Variants in RBM24 observed in about 807,000 individuals in gnomAD.
RBM24 encodes RNA-binding protein 24.
Under a neutral mutation model 23.6 loss-of-function variants are expected in RBM24, and 5 were observed. The ratio of observed to expected loss-of-function variants is 0.21; its 90% CI spans 0.11 to 0.45. The LOEUF (loss-of-function observed/expected upper bound fraction) is 0.45, where lower values mean the gene tolerates loss of function less well. Ranked by LOEUF, RBM24 falls within the 20% of genes least tolerant of loss-of-function variation. The probability of loss-of-function intolerance (pLI) is 0.99; values close to 1 mark genes in which losing one functional copy is unlikely to be tolerated. For synonymous variants in RBM24, 151 were observed against 129.5 expected (o/e 1.17, Z -1.13); for missense variants, 252 against 314.6 (o/e 0.80, Z 1.51).
rs773851023 is a variant in RBM24, at chr6:17,292,062, C to G, written c.654C>G (p.Ala218=). 2 of 1,591,606 alleles carry G rather than the reference C, an allele frequency of 1.3e-6. No individual in the cohort carries two copies. The highest frequency in any genetic ancestry group is 1.3e-5 in the African/African-American group (1 of 74,684). ...TAAAAAAAAA[A]AAAFGQYQPQ... is the part of the protein sequence containing the mutation. ...CCGCCGCCGCTGCAGCAGCTGCTGC[C>G]GCTGCAGCATTTGGCCAGTACCAGC... The change falls in exon 4 of 4, where the codon GCC becomes GCG. Residue 218 remains alanine, a synonymous_variant. Transcript: ENST00000379052.
intron 3 of RBM24, among the ~76,000 whole-genome samples, chr6:17,287,412 T>C (rs1035721315): frequency 1.3e-5 from 2 of 152,196 alleles, no homozygotes; most frequent in South Asian, 2.1e-4. Context: ...GAAAAACTTA[T>C]AAACTTGCTA....
chr6:17,288,978 T>C, intron 3 of RBM24: 1 of 985,420 alleles, frequency 1.0e-6, no homozygotes, highest in Non-Finnish European at 1.2e-6. Flanking sequence ...AGGATATTGC[T>C]TCAAAACCAG....
intron 1 of RBM24, chr6:17,282,060 C>T: frequency 7.9e-7 from 1 of 1,266,464 alleles, no homozygotes; most frequent in Non-Finnish European, 1.0e-6. Flanking sequence ...GGCCGCAACC[C>T]TGAACAATTG....
At chr6:17,285,658 C>A (rs1049735978) in intron 3 of RBM24, among the ~76,000 whole-genome samples, 1 of 152,212 alleles carries the variant, frequency 6.6e-6, no homozygotes, top group African/African-American at 2.4e-5. Flanking sequence ...TTTATTAACA[C>A]AAGCCAGTTT....
chr6:17,288,142 G>A (rs991022158), intron 3 of RBM24: 2 of 572,830 alleles, frequency 3.5e-6, no homozygotes, highest in African/African-American at 4.1e-5. Context: ...GGACTGCTAA[G>A]TGTTAGAGGC....
chr6:17,282,357 G>T, intron 1 of RBM24: 1 of 823,784 alleles, frequency 1.2e-6, no homozygotes, highest in Non-Finnish European at 1.8e-6. Context: ...AATAGCTATT[G>T]TCGTTGGGGA....
Position 17,282,886 on chromosome 6 carries a change from A to T in RBM24, c.250A>T (p.Asn84Tyr), listed in dbSNP as rs767375957. Reference protein sequence around the residue: ...PIIDGRKANVNLAYLGAKPRI... With the variant: ...PIIDGRKANVYLAYLGAKPRI... ...CATTGATGGCAGAAAGGCCAACGTGAACCTGGCATACTTAGGAGCAAAACC... is the reference window on the plus strand; with the variant it reads ...CATTGATGGCAGAAAGGCCAACGTGTACCTGGCATACTTAGGAGCAAAACC... Residue 84 changes from asparagine (N) to tyrosine (Y), a missense_variant, in exon 2 of 4, where the codon AAC becomes TAC. Coordinates refer to ENST00000379052, the MANE Select transcript of RBM24 (RefSeq NM_001143942.2). The T allele has an allele frequency of 6.2e-7, 1 of 1,614,118 alleles. No homozygotes were observed. The highest frequency in any genetic ancestry group is 8.5e-7 in the Non-Finnish European group (1 of 1,180,024).
At chr6:17,285,476 T>C (rs1009919362) in intron 3 of RBM24, among the ~76,000 whole-genome samples, 1 of 152,164 alleles carries the variant, frequency 6.6e-6, no homozygotes, top group Middle Eastern at 3.2e-3. Context: ...AACCACATTT[T>C]TGTAGTGAGT....
Position 17,282,898 on chromosome 6 carries a change from T to C in RBM24, c.262T>C (p.Leu88=). ...AAAGGCCAACGTGAACCTGGCATAC[T>C]TAGGAGCAAAACCAAGGATCATGCA... ...GRKANVNLAY[L]GAKPRIMQPG... The change falls in exon 2 of 4, where the codon TTA becomes CTA. Residue 88 remains leucine, a synonymous_variant. Transcript: ENST00000379052. 1.2e-6 allele frequency: 2 copies of C among 1,614,072 alleles called. No homozygotes were observed. Among genetic ancestry groups the C allele is most frequent in the Non-Finnish European group, 1.7e-6 (2 of 1,179,994 alleles).
chr6:17,291,664 T>A (rs1400308942), intron 3 of RBM24, 92 bp from the exon 4 acceptor site: 1 of 1,385,282 alleles, frequency 7.2e-7, no homozygotes, highest in African/African-American at 1.4e-5. Flanking sequence ...ATGCTCATAA[T>A]AACCACTAAA....
intron 1 of RBM24, chr6:17,282,560 G>C (rs1187784747): frequency 7.1e-6 from 4 of 565,016 alleles, no homozygotes. Context: ...CGGTGGGGTG[G>C]GGGGAGGCAG....
intron 3 of RBM24, chr6:17,289,454 T>A: frequency 1.0e-6 from 1 of 985,464 alleles, no homozygotes; most frequent in Non-Finnish European, 1.2e-6. Flanking sequence ...ATTCTCATTG[T>A]TTGACATTGT....
chr6:17,289,670 G>A, intron 3 of RBM24: 1 of 985,378 alleles, frequency 1.0e-6, no homozygotes, highest in South Asian at 4.7e-5. Flanking sequence ...TAAGGTTTCG[G>A]TGTCAGTGAG....
At chr6:17,290,771 T>C (rs2113411212) in intron 3 of RBM24, 1 of 920,490 alleles carries the variant, frequency 1.1e-6, no homozygotes, top group Non-Finnish European at 1.5e-6. Flanking sequence ...TTTAGAAATA[T>C]TTAGTTGTAC....
chr6:17,282,918 C>A lies in RBM24; in HGVS notation c.282C>A (p.Ile94=), dbSNP rs558500173. 1.8e-4 allele frequency: 287 copies of A among 1,613,718 alleles called. 2 individuals are homozygous for A. The South Asian group carries it at 2.9e-3, about 16-fold the overall frequency. The change falls in exon 2 of 4, where the codon ATC becomes ATA. Residue 94 remains isoleucine (I), a synonymous_variant. Transcript: ENST00000379052. ...CATACTTAGGAGCAAAACCAAGGAT[C>A]ATGCAACCAGGTGAGAAATGTCTGT... ...NLAYLGAKPR[I]MQPGFAFGVQ...
In RBM24 at chr6:17,291,141, CT is replaced by C. The variant is rs1385531318; in HGVS notation, c.348-609del. Among the ~76,000 whole-genome samples the C allele has an allele frequency of 2.7e-4, 41 of 152,204 alleles. No homozygotes were observed. The Middle Eastern group carries it at 0.01, about 38-fold the overall frequency. On this transcript the variant is annotated intron_variant, in intron 3 of 3. Coordinates refer to ENST00000379052, the MANE Select transcript of RBM24 (RefSeq NM_001143942.2). ...TTTTTCTTATTTTGTCGCCTGCTTC[CT>C]TTTTTAATTATTATTTTTAATAAGG...
At chr6:17,288,338 G>A (rs1270440889) in intron 3 of RBM24, 1 of 985,328 alleles carries the variant, frequency 1.0e-6, no homozygotes, top group Admixed American at 6.1e-5. Flanking sequence ...CAATGAGTGG[G>A]ATTCAGAAGT....
intron 2 of RBM24, among the ~76,000 whole-genome samples, chr6:17,283,413 G>A (rs1760092287): frequency 6.6e-6 from 1 of 152,038 alleles, no homozygotes. Flanking sequence ...ATGTCCAAAT[G>A]GTAAAGGTTT....
At chr6:17,290,746 T>A (rs925066352) in intron 3 of RBM24, 2 of 766,936 alleles carry the variant, frequency 2.6e-6, no homozygotes, top group Non-Finnish European at 3.8e-6. Flanking sequence ...GTAAACCTTT[T>A]AAATTTCTAT....
Sources: gnomAD v4.1 joint callset for allele counts (sites outside exome capture counted in the v4.1 genomes callset) on GRCh38, gnomAD v4.1.1 for gene constraint, MANE v1.5 for transcripts, NCBI Gene and HGNC (gene_info 2026-07-23, HGNC 2026-07-21) for gene names.